Variants in DACT3 observed in about 807,000 individuals in gnomAD.
The protein encoded by DACT3 is dapper homolog 3.
Under a neutral mutation model 19.6 loss-of-function variants are expected in DACT3, and 5 were observed. The observed-to-expected ratio is 0.26, with a 90% confidence interval of 0.13 to 0.54. The LOEUF (loss-of-function observed/expected upper bound fraction) is 0.54, where lower values mean the gene tolerates loss of function less well. DACT3 is among the 20% of genes least tolerant of loss of function. The pLI, the probability that DACT3 is intolerant of heterozygous loss-of-function variation, is 0.95. For synonymous variants in DACT3, 454 were observed against 428.1 expected (o/e 1.06, Z -0.75); for missense variants, 908 against 927.4 (o/e 0.98, Z 0.27).
chr19:46,657,471 A>G (rs1330742650), intron 1 of DACT3, among the ~76,000 whole-genome samples: 1 of 143,380 alleles, frequency 7.0e-6, no homozygotes, highest in Non-Finnish European at 1.5e-5. Context: ...CTCCTGCCTC[A>G]GCCTCCCGAG....
chr19:46,652,357 C>G, intron 3 of DACT3: 2 of 428,556 alleles, frequency 4.7e-6, no homozygotes, highest in East Asian at 6.9e-5. Context: ...CCACGCCCAA[C>G]TAATTTTTGT....
At position 46,660,901 on chromosome 19, in the gene DACT3, G is replaced by A; in HGVS notation, c.164C>T (p.Ala55Val). 6.5e-7 allele frequency: 1 copy of A among 1,537,142 alleles called. No individual in the cohort carries two copies. The highest frequency in any genetic ancestry group is 8.7e-7 in the Non-Finnish European group (1 of 1,145,720). ...GGCGTCCTCCTCGTCCTCGGCCTCG[G>A]CGCCCCCCATTCCGGGCTGGGCCAG... ...LRLAQPGMGG[A>V]EAEDEEDADE... The change falls in exon 1 of 4, where the codon GCC (alanine) becomes GTC (valine). Residue 55 changes from alanine (A) to valine (V), a missense_variant. Coordinates refer to ENST00000391916, the MANE Select transcript of DACT3 (RefSeq NM_145056.3). The surrounding 1 kb of genome is among the most constrained non-coding windows in gnomAD (Gnocchi z 4.9).
At chr19:46,652,893 G>C (rs2052999747) in intron 2 of DACT3, 81 bp from the exon 3 acceptor site, 2 of 1,540,560 alleles carry the variant, frequency 1.3e-6, no homozygotes, top group East Asian at 2.5e-5. Context: ...AGATGGCGTG[G>C]GGAGAGACAC....
rs2052960533 is a variant in DACT3 at position 46,649,613 on chromosome 19, G to C, written c.759C>G (p.Ile253Met). 1 of 1,136,526 alleles carries C rather than the reference G, an allele frequency of 8.8e-7. No homozygotes were observed. 70.4% of individuals were successfully genotyped at this position (1,136,526 alleles called of 1,614,324 possible). A position where few individuals can be genotyped will look rare whatever the true frequency, so the allele number is the denominator to read the frequency against. ...GGCGGCGCCTGCGCAGGAGCGCCGA[G>C]ATGTAGCCGTCCAGGGGCCGCCCTG... ...GGAGRPLDGY[I>M]SALLRRRRRR... The change falls in exon 4 of 4, where the codon ATC becomes ATG. Residue 253 changes from isoleucine to methionine, a missense_variant. Transcript: ENST00000391916.
At chr19:46,653,543 A>T (rs866067697) in intron 1 of DACT3, among the ~76,000 whole-genome samples, 3 of 147,370 alleles carry the variant, frequency 2.0e-5, no homozygotes, top group East Asian at 3.9e-4. Context: ...TTTTATTTTT[A>T]TTTATTTATT....
rs762003444 is a variant in DACT3, at chr19:46,649,881, G to A, written c.500-9C>T. ...GCTGGGACTGGCGTCTCCTAGGGAAGGAAGGCCAAAAAAAAAAAAAAAAGA... is the reference window on the plus strand; with the variant it reads ...GCTGGGACTGGCGTCTCCTAGGGAAAGAAGGCCAAAAAAAAAAAAAAAAGA... On this transcript the variant is annotated splice_polypyrimidine_tract_variant and intron_variant, in intron 3 of 3. Coordinates refer to ENST00000391916, the MANE Select transcript of DACT3 (RefSeq NM_145056.3). The A allele has an allele frequency of 4.6e-6, 6 of 1,309,652 alleles. No individual in the cohort carries two copies. The highest frequency in any genetic ancestry group is 2.4e-4 in the Middle Eastern group (1 of 4,208). The allele number at this position is 1,309,652 out of a possible 1,614,324, so 81.1% of individuals were successfully genotyped here.
chr19:46,648,866 G>C lies in DACT3; in HGVS notation c.1506C>G (p.Pro502=). The C allele has an allele frequency of 7.0e-7, 1 of 1,421,806 alleles. No homozygotes were observed. Among genetic ancestry groups the C allele is most frequent in the East Asian group, 2.8e-5 (1 of 35,372 alleles). The allele number at this position is 1,421,806 out of a possible 1,614,324, so 88.1% of individuals were successfully genotyped here. A position where few individuals can be genotyped will look rare whatever the true frequency, so the allele number is the denominator to read the frequency against. The stretch of plus-strand genomic sequence containing the variant: ...GCTGGGGAGCTGACGGGGACGGGCC[G>C]GGGCCGGGAACACGCGCCGCAGGGG... ...PRAPAARVPG[P]GPSPSAPQRR... Residue 502 remains proline, a synonymous_variant, in exon 4 of 4, where the codon CCC becomes CCG. Transcript: ENST00000391916. The surrounding 1 kb of genome is among the most constrained non-coding windows in gnomAD (Gnocchi z 5.1).
chr19:46,657,255 C>G (rs2053039466), intron 1 of DACT3, among the ~76,000 whole-genome samples: 1 of 151,078 alleles, frequency 6.6e-6, no homozygotes, highest in South Asian at 2.1e-4. Flanking sequence ...GGGTGGGTGA[C>G]TTTACCTCTC....
rs184739971 is a variant in DACT3, at chr19:46,649,556, G to A, written c.816C>T (p.Pro272=). 0.08 allele frequency: 84,528 copies of A among 1,051,886 alleles called. 3,587 individuals carry two copies. The highest frequency in any genetic ancestry group is 0.099 in the Middle Eastern group (223 of 2,252). 65.2% of individuals were successfully genotyped at this position (1,051,886 alleles called of 1,614,324 possible). A position where few individuals can be genotyped will look rare whatever the true frequency, so the allele number is the denominator to read the frequency against. ...GCCGCGGGCCGCCGTCCGCGCCCCC[G>A]GGACTGGTCCGGGGCTGGCCCGCCC... ...RRGAGQPRTS[P]GGADGGPRRQ... is the part of the protein sequence containing the mutation. Residue 272 remains proline, a synonymous_variant, in exon 4 of 4, where the codon CCC becomes CCT. Transcript: ENST00000391916.
At chr19:46,650,757 T>A (rs997700829) in intron 3 of DACT3, 1 of 152,112 alleles carries the variant, frequency 6.6e-6, no homozygotes, top group African/African-American at 2.4e-5. Context: ...ACTGGCCTCC[T>A]GAAAGCAGGC....
rs961399343 is a variant in DACT3, at chr19:46,654,216, G to A, written c.250-1141C>T. 2.9e-5 allele frequency: 29 copies of A among 985,262 alleles called. No homozygotes were observed. In the East Asian group the frequency reaches 2.6e-3, roughly 89 times the overall value. 61.0% of individuals were successfully genotyped at this position (985,262 alleles called of 1,614,324 possible). ...ATTTCGGGGAGTCAGGCCGGGCGCAGTGGCTCACGCCTGTAATCCCAGCAT... is the reference window on the plus strand; with the variant it reads ...ATTTCGGGGAGTCAGGCCGGGCGCAATGGCTCACGCCTGTAATCCCAGCAT... On this transcript the variant is annotated intron_variant, in intron 1 of 3. Coordinates refer to ENST00000391916, the MANE Select transcript of DACT3 (RefSeq NM_145056.3).
rs930353192 is a variant in DACT3, at chr19:46,648,872, G to C, written c.1500C>G (p.Pro500=). ...GAGCTGACGGGGACGGGCCGGGGCC[G>C]GGAACACGCGCCGCAGGGGCTCGGG... ...VRPRAPAARV[P]GPGPSPSAPQ... The change falls in exon 4 of 4, where the codon CCC becomes CCG. Residue 500 remains proline, a synonymous_variant. Coordinates refer to ENST00000391916, the MANE Select transcript of DACT3 (RefSeq NM_145056.3). The surrounding 1 kb of genome is among the most constrained non-coding windows in gnomAD (Gnocchi z 5.1). 1.4e-6 allele frequency: 2 copies of C among 1,412,862 alleles called. No homozygotes were observed. The highest frequency in any genetic ancestry group is 1.8e-6 in the Non-Finnish European group (2 of 1,094,704). The allele number at this position is 1,412,862 out of a possible 1,614,324, so 87.5% of individuals were successfully genotyped here.
At chr19:46,655,843 G>A (rs894689216) in intron 1 of DACT3, among the ~76,000 whole-genome samples, 2 of 151,482 alleles carry the variant, frequency 1.3e-5, no homozygotes, top group South Asian at 2.1e-4. Context: ...GTGCCAAGGC[G>A]GGAGGATCGC....
At position 46,660,667 on chromosome 19, in the gene DACT3, C is replaced by T; in HGVS notation, c.249+149G>A. 2 of 1,368,654 alleles carry T rather than the reference C, an allele frequency of 1.5e-6. No homozygotes were observed. Among genetic ancestry groups the T allele is most frequent in the South Asian group, 3.3e-5 (2 of 61,146 alleles). 84.8% of individuals were successfully genotyped at this position (1,368,654 alleles called of 1,614,324 possible). The stretch of plus-strand genomic sequence containing the variant: ...GGGGAGGCCAGGTCCGGCCCGCCGC[C>T]GGAACTCCGGGGTCGCCAGCCCCAC... On this transcript the variant is annotated intron_variant, in intron 1 of 3. Transcript: ENST00000391916. The surrounding 1 kb of genome is among the most constrained non-coding windows in gnomAD (Gnocchi z 4.9).
chr19:46,655,197 A>G (rs2053023800), intron 1 of DACT3: 1 of 342,050 alleles, frequency 2.9e-6, no homozygotes, highest in Non-Finnish European at 4.1e-6. Context: ...TCCTTGCTTC[A>G]TTCAGATCTT....
intron 1 of DACT3, among the ~76,000 whole-genome samples, chr19:46,655,503 C>T (rs2053026108): frequency 1.3e-5 from 2 of 152,038 alleles, no homozygotes; most frequent in South Asian, 4.2e-4. Context: ...ATCCCAGCTA[C>T]CCAAGAGGCT....
intron 1 of DACT3, chr19:46,654,168 A>G: frequency 1.0e-6 from 1 of 985,172 alleles, no homozygotes; most frequent in African/African-American, 1.7e-5. Context: ...CAGTGAGTCT[A>G]CCTTTCCTCA....
Position 46,649,209 on chromosome 19 carries a change from A to C in DACT3, c.1163T>G (p.Val388Gly). Residue 388 changes from valine (V) to glycine (G), a missense_variant, in exon 4 of 4, where the codon GTG becomes GGG. Val to Gly is a moderately radical substitution (Grantham distance 109). Transcript: ENST00000391916. The part of the protein sequence containing the change: ...KPPPLTRGRS[V>G]EQSPPRERPR... ...ACGCTCCCGGGGTGGTGACTGCTCC[A>C]CGCTGCGGCCGCGGGTCAGTGGCGG... The C allele has an allele frequency of 2.5e-6, 3 of 1,201,354 alleles. No homozygotes were observed. The highest frequency in any genetic ancestry group is 3.1e-6 in the Non-Finnish European group (3 of 970,596). The allele number at this position is 1,201,354 out of a possible 1,614,324, so 74.4% of individuals were successfully genotyped here.
chr19:46,648,564 A>G lies in DACT3; in HGVS notation c.1808T>C (p.Val603Ala), dbSNP rs1444781324. Residue 603 changes from valine to alanine, a missense_variant, in exon 4 of 4, where the codon GTG becomes GCG. Physicochemically the swap from Val to Ala is moderately conservative, Grantham distance 64. Transcript: ENST00000391916. This position sits in a 1 kb window ranked among gnomAD's most constrained non-coding sequence, Gnocchi z 5.1. ...GAPAGPAKVF[V>A]KIKASHALKK... The stretch of plus-strand genomic sequence containing the variant: ...GAGCGCGTGGGAAGCTTTGATTTTC[A>G]CGAAGACTTTGGCGGGGCCTGCGGG... 1 of 1,613,798 alleles carries G rather than the reference A, an allele frequency of 6.2e-7. No individual in the cohort carries two copies. The highest frequency in any genetic ancestry group is 8.5e-7 in the Non-Finnish European group (1 of 1,179,796).
Sources: allele counts gnomAD v4.1 joint callset (sites outside exome capture counted in the v4.1 genomes callset), GRCh38; gene constraint gnomAD v4.1.1; non-coding constraint Gnocchi (gnomAD v3.1); transcripts MANE v1.5; gene names NCBI Gene and HGNC (gene_info 2026-07-23, HGNC 2026-07-21).